The following SMURF1 variants were observed in gnomAD, a reference collection of about 807,000 sequenced individuals.
The protein encoded by SMURF1 is E3 ubiquitin-protein ligase SMURF1.
A neutral mutation model predicts 98.0 loss-of-function variants in SMURF1; 44 were observed. That is an observed-to-expected ratio of 0.45 (90% CI 0.35 to 0.58). SMURF1 has a LOEUF of 0.58. Ranked by LOEUF, SMURF1 falls within the 20% of genes least tolerant of loss-of-function variation. SMURF1 has a pLI of 0.00. For synonymous variants in SMURF1, 396 were observed against 374.9 expected (o/e 1.06, Z -0.65); for missense variants, 687 against 938.4 (o/e 0.73, Z 3.50).
At chr7:99,107,259 T>A (rs189354181) in intron 1 of SMURF1, among the ~76,000 whole-genome samples, 5 of 152,312 alleles carry the variant, frequency 3.3e-5, no homozygotes, top group Admixed American at 3.3e-4. Context: ...TATTTCAAAA[T>A]AACTTAAAGA....
intron 12 of SMURF1, among the ~76,000 whole-genome samples, chr7:99,041,790 C>T (rs922137318): frequency 2.6e-5 from 4 of 152,208 alleles, no homozygotes; most frequent in Non-Finnish European, 5.9e-5. Context: ...GGCTGGACTT[C>T]GGAACCTACT....
chr7:99,070,394 A>AT (rs941100399), intron 1 of SMURF1, among the ~76,000 whole-genome samples: 1 of 152,106 alleles, frequency 6.6e-6, no homozygotes, highest in Non-Finnish European at 1.5e-5. Context: ...AGACAGATGG[A>AT]TTTTTTTCCT....
chr7:99,049,893 C>G (rs562101958), intron 8 of SMURF1, 184 bp from the exon 9 acceptor site: 4 of 498,674 alleles, frequency 8.0e-6, no homozygotes, highest in Non-Finnish European at 1.4e-5. Flanking sequence ...CTGCTGCAAA[C>G]AGCAGCAACA....
intron 1 of SMURF1, among the ~76,000 whole-genome samples, chr7:99,085,165 A>C (rs1796652509): frequency 6.6e-6 from 1 of 151,992 alleles, no homozygotes; most frequent in African/African-American, 2.4e-5. Flanking sequence ...AGCCTGGCCA[A>C]CATGGCTAAA....
At chr7:99,051,168 C>T (rs1261685514) in intron 8 of SMURF1, among the ~76,000 whole-genome samples, 189 bp downstream of exon 8, 1 of 152,180 alleles carries the variant, frequency 6.6e-6, no homozygotes, top group East Asian at 1.9e-4. Flanking sequence ...TCAACAATGA[C>T]TCACGTTTCA....
At chr7:99,102,988 G>A (rs564451051) in intron 1 of SMURF1, among the ~76,000 whole-genome samples, 1 of 151,804 alleles carries the variant, frequency 6.6e-6, no homozygotes, top group African/African-American at 2.4e-5. Context: ...ATCTTTAGGG[G>A]AAATAGGTTC....
chr7:99,057,603 T>G (rs1398752132), intron 3 of SMURF1, 52 bp from the exon 4 acceptor site: 2 of 1,422,736 alleles, frequency 1.4e-6, no homozygotes, highest in East Asian at 2.5e-5. Context: ...TTTTTTTGTT[T>G]TGTTTTTTTT....
chr7:99,063,543 G>GC (rs2150547122), intron 1 of SMURF1, among the ~76,000 whole-genome samples: 1 of 150,022 alleles, frequency 6.7e-6, no homozygotes, highest in African/African-American at 2.5e-5. Context: ...TCCCAACTTC[G>GC]CCCCACAAAG....
rs1167166222 is a variant in SMURF1, at chr7:99,042,960, C to G, written c.1257-728G>C. ...AACAAAAACAGTTCTTCATTGTACT[C>G]AAAAGAACAGAAAGGAACTGCCAGA... On this transcript the variant is annotated intron_variant, in intron 11 of 17. Coordinates refer to ENST00000361368, the MANE Select transcript of SMURF1 (RefSeq NM_181349.3). Among the ~76,000 whole-genome samples the G allele has an allele frequency of 3.9e-5, 6 of 152,158 alleles. No homozygotes were observed. In the South Asian group the frequency reaches 6.2e-4, roughly 16 times the overall value.
intron 14 of SMURF1, among the ~76,000 whole-genome samples, chr7:99,038,126 A>T (rs1371908485): frequency 6.6e-6 from 1 of 151,556 alleles, no homozygotes; most frequent in African/African-American, 2.4e-5. Context: ...TTGCACCCAG[A>T]ATTAGGTGGT....
intron 1 of SMURF1, among the ~76,000 whole-genome samples, chr7:99,063,925 C>T (rs935792285): frequency 7.2e-5 from 11 of 152,062 alleles, no homozygotes; most frequent in East Asian, 1.9e-4. Flanking sequence ...TACAGGCACA[C>T]GCCACCCAGC....
At chr7:99,087,051 T>C (rs1796696153) in intron 1 of SMURF1, among the ~76,000 whole-genome samples, 1 of 152,104 alleles carries the variant, frequency 6.6e-6, no homozygotes, top group Admixed American at 6.6e-5. Context: ...GGGTTAAGTT[T>C]ATGGTATTTC....
intron 6 of SMURF1, among the ~76,000 whole-genome samples, chr7:99,052,803 C>T (rs1014541210): frequency 1.1e-4 from 16 of 152,156 alleles, no homozygotes; most frequent in Admixed American, 9.2e-4. Context: ...CGGTGGCTCA[C>T]GCCTGTAATC....
chr7:99,029,462 A>G lies in SMURF1; in HGVS notation c.*1122T>C, dbSNP rs1330222431. 1 of 152,246 alleles carries G rather than the reference A, an allele frequency of 6.6e-6. No homozygotes were observed. The allele number at this position is 152,246 out of a possible 1,614,324, so 9.4% of individuals were successfully genotyped here. A position where few individuals can be genotyped will look rare whatever the true frequency, so the allele number is the denominator to read the frequency against. ...GCAATCGTTAGTGTCACCAGCTGCC[A>G]CTGGGAAAGGGGCCACATGAGGCAG... On this transcript the variant is annotated 3_prime_UTR_variant, in exon 18 of 18. Transcript: ENST00000361368.
intron 1 of SMURF1, among the ~76,000 whole-genome samples, chr7:99,133,998 G>A (rs1367661652): frequency 6.6e-6 from 1 of 151,858 alleles, no homozygotes; most frequent in Non-Finnish European, 1.5e-5. Flanking sequence ...GAGGGAGGTA[G>A]AAAGTGAGAA....
At chr7:99,050,881 C>A in intron 8 of SMURF1, 3 of 1,348,000 alleles carry the variant, frequency 2.2e-6, no homozygotes, top group Non-Finnish European at 2.9e-6. Flanking sequence ...AGAAACTTAA[C>A]TCTGTTATGG....
intron 3 of SMURF1, among the ~76,000 whole-genome samples, chr7:99,058,594 T>C (rs1008844235): frequency 6.6e-6 from 1 of 152,224 alleles, no homozygotes; most frequent in Non-Finnish European, 1.5e-5. Flanking sequence ...CTCCATTTAC[T>C]GTCACTGCAA....
intron 1 of SMURF1, among the ~76,000 whole-genome samples, chr7:99,074,652 C>A (rs1289275683): frequency 6.6e-6 from 1 of 151,884 alleles, no homozygotes; most frequent in Non-Finnish European, 1.5e-5. Context: ...AAAATATTAA[C>A]AACCCATATG....
intron 1 of SMURF1, among the ~76,000 whole-genome samples, chr7:99,074,675 C>A (rs754898516): frequency 1.3e-5 from 2 of 151,892 alleles, no homozygotes; most frequent in African/African-American, 2.4e-5. Context: ...CAACAAAAGA[C>A]CTGCATCTAG....
Sources: allele counts gnomAD v4.1 joint callset (sites outside exome capture counted in the v4.1 genomes callset), GRCh38; gene constraint gnomAD v4.1.1; transcripts MANE v1.5; gene names NCBI Gene and HGNC (gene_info 2026-07-23, HGNC 2026-07-21).